AGBL4: variants seen among roughly 807,000 people sequenced by gnomAD.
AGBL4 encodes the protein AGBL carboxypeptidase 4, also known as cytosolic carboxypeptidase 6.
A neutral mutation model predicts 66.4 loss-of-function variants in AGBL4; 58 were observed. That is an observed-to-expected ratio of 0.87 (90% CI 0.71 to 1.09). AGBL4 has a LOEUF of 1.09. Among genes scored for constraint, AGBL4 ranks in the 50% least tolerant of loss-of-function variants. The probability of loss-of-function intolerance (pLI) is 0.00; values close to 1 mark genes in which losing one functional copy is unlikely to be tolerated. For synonymous variants in AGBL4, 234 were observed against 222.9 expected, an observed-to-expected ratio of 1.05 and a Z score of -0.44; for missense variants, 579 against 631.0, an observed-to-expected ratio of 0.92 and a Z score of 0.88.
chr1:49,457,702 T>G (rs1440039497), intron 3 of AGBL4, among the ~76,000 whole-genome samples: 1 of 151,914 alleles, frequency 6.6e-6, no homozygotes, highest in East Asian at 1.9e-4. Context: ...AGGTCTTAGA[T>G]TTAAGTCTTT....
chr1:49,860,816 G>C (rs1447377923), intron 1 of AGBL4, among the ~76,000 whole-genome samples: 1 of 150,900 alleles, frequency 6.6e-6, no homozygotes, highest in Non-Finnish European at 1.5e-5. Flanking sequence ...TATCTACACA[G>C]AAAAAAACAC....
In AGBL4 at chr1:49,462,187, C is replaced by T. The variant is rs575830325; in HGVS notation, c.283-216323G>A. Among the ~76,000 whole-genome samples the T allele has an allele frequency of 4.9e-4, 74 of 151,784 alleles. 1 individual carries two copies. Among genetic ancestry groups the T allele is most frequent in the African/African-American group, 1.6e-3 (66 of 41,478 alleles). On this transcript the variant is annotated intron_variant, in intron 3 of 13. Transcript: ENST00000371839. ...CAGTTCAAACATTCAATGATAATAG[C>T]TCATTGAAGGCAGAGACTACTTCTT...
chr1:49,318,814 T>C (rs1645083693), intron 3 of AGBL4, among the ~76,000 whole-genome samples: 1 of 152,100 alleles, frequency 6.6e-6, no homozygotes, highest in Non-Finnish European at 1.5e-5. Flanking sequence ...TGGAGCTGTG[T>C]TTATGAGCCA....
At chr1:49,118,318 A>T (rs1171229116) in intron 4 of AGBL4, among the ~76,000 whole-genome samples, 2 of 151,940 alleles carry the variant, frequency 1.3e-5, no homozygotes, top group Non-Finnish European at 2.9e-5. Context: ...AATGCTTCCA[A>T]TTTTTGCCTA....
intron 4 of AGBL4, among the ~76,000 whole-genome samples, chr1:49,065,555 G>A (rs765072032): frequency 6.6e-6 from 1 of 152,198 alleles, no homozygotes; most frequent in East Asian, 1.9e-4. Context: ...TGCAGGGAAT[G>A]GAGTGGGATT....
chr1:49,113,283 C>T (rs192569098), intron 4 of AGBL4, among the ~76,000 whole-genome samples: 1 of 151,506 alleles, frequency 6.6e-6, no homozygotes, highest in Admixed American at 6.6e-5. Flanking sequence ...TTTGCTCTGT[C>T]ACCCAGGCTG....
intron 4 of AGBL4, among the ~76,000 whole-genome samples, chr1:49,211,497 T>C (rs1648665628): frequency 6.6e-6 from 1 of 152,156 alleles, no homozygotes; most frequent in Non-Finnish European, 1.5e-5. Flanking sequence ...AATTAAATAT[T>C]ATATGTGAAA....
intron 3 of AGBL4, among the ~76,000 whole-genome samples, chr1:49,622,261 T>C (rs1465095463): frequency 6.6e-6 from 1 of 152,166 alleles, no homozygotes; most frequent in Non-Finnish European, 1.5e-5. Flanking sequence ...ACCTTGGCTA[T>C]GGAGTTATTA....
chr1:48,848,535 G>T (rs1646967606), intron 6 of AGBL4, among the ~76,000 whole-genome samples: 1 of 152,084 alleles, frequency 6.6e-6, no homozygotes, highest in Non-Finnish European at 1.5e-5. Context: ...AAAAATAACA[G>T]AACAAAAGTT....
intron 3 of AGBL4, among the ~76,000 whole-genome samples, chr1:49,457,909 A>T (rs2148692870): frequency 6.6e-6 from 1 of 151,744 alleles, no homozygotes; most frequent in East Asian, 1.9e-4. Flanking sequence ...GTTCTGTACC[A>T]TTGATCTGTG....
chr1:48,708,294 G>A (rs1352635153), intron 6 of AGBL4, among the ~76,000 whole-genome samples: 1 of 152,188 alleles, frequency 6.6e-6, no homozygotes, highest in African/African-American at 2.4e-5. Flanking sequence ...GGCAGGTGAT[G>A]TGAGCAATGA....
At chr1:49,257,609 TCTTGCACGTCCCGAGTGAGGCAATGC>T (rs1652652372) in intron 3 of AGBL4, 1 of 153,004 alleles carries the variant, frequency 6.5e-6, no homozygotes, top group Admixed American at 6.5e-5. Context: ...CTCCCTGACC[TCTTGCACGTCCCGAGTGAGGCAATGC>T]CTCGCGCTGC....
intron 3 of AGBL4, among the ~76,000 whole-genome samples, chr1:49,407,372 C>T (rs1178460572): frequency 1.3e-5 from 2 of 152,186 alleles, no homozygotes; most frequent in African/African-American, 4.8e-5. Flanking sequence ...GGTCTCTAGG[C>T]CATGGGCCTT....
At chr1:49,868,118 TAA>T (rs1646750801) in intron 1 of AGBL4, among the ~76,000 whole-genome samples, 1 of 151,696 alleles carries the variant, frequency 6.6e-6, no homozygotes, top group Non-Finnish European at 1.5e-5. Context: ...CTCAAGGAAA[TAA>T]GAGGGGATAC....
intron 3 of AGBL4, among the ~76,000 whole-genome samples, chr1:49,552,880 G>A (rs1231883527): frequency 6.6e-6 from 1 of 151,954 alleles, no homozygotes; most frequent in Non-Finnish European, 1.5e-5. Flanking sequence ...AGTCTAGTAT[G>A]GCTACTCTTA....
intron 3 of AGBL4, among the ~76,000 whole-genome samples, chr1:49,365,091 G>A (rs1264083815): frequency 6.6e-6 from 1 of 152,108 alleles, no homozygotes; most frequent in African/African-American, 2.4e-5. Context: ...ATTATCCTGT[G>A]GTTGTTATAT....
At chr1:48,993,841 G>T (rs1462168811) in intron 5 of AGBL4, among the ~76,000 whole-genome samples, 3 of 152,112 alleles carry the variant, frequency 2.0e-5, no homozygotes, top group African/African-American at 2.4e-5. Flanking sequence ...GAAGCACAAA[G>T]ATTTCACATG....
intron 1 of AGBL4, among the ~76,000 whole-genome samples, chr1:49,949,135 C>T (rs1465655727): frequency 1.3e-5 from 2 of 151,552 alleles, no homozygotes; most frequent in Non-Finnish European, 3.0e-5. Flanking sequence ...AATTGGCTAG[C>T]CACATGTAGG....
At chr1:49,144,453 G>A (rs1646176829) in intron 4 of AGBL4, among the ~76,000 whole-genome samples, 1 of 151,638 alleles carries the variant, frequency 6.6e-6, no homozygotes, top group African/African-American at 2.4e-5. Context: ...GAAATGGAGG[G>A]GAGGGGAGGG....
Sources: allele counts gnomAD v4.1 joint callset (sites outside exome capture counted in the v4.1 genomes callset), GRCh38; gene constraint gnomAD v4.1.1; transcripts MANE v1.5; gene names NCBI Gene and HGNC (gene_info 2026-07-23, HGNC 2026-07-21).